The following KHDRBS3 variants were observed in gnomAD, a reference collection of about 807,000 sequenced individuals.
KHDRBS3 encodes KH RNA binding domain containing, signal transduction associated 3, also known as KH domain-containing, RNA-binding, signal transduction-associated protein 3.
A neutral mutation model predicts 45.6 loss-of-function variants in KHDRBS3; 23 were observed. The observed-to-expected ratio is 0.50, with a 90% CI of 0.36 to 0.72. The LOEUF is 0.72. Ranked by LOEUF, KHDRBS3 falls within the 30% of genes least tolerant of loss-of-function variation. The pLI is 0.00. For missense variants in KHDRBS3, 352 were observed against 424.8 expected, an observed-to-expected ratio of 0.83 and a Z score of 1.51; for synonymous variants, 162 against 156.5, an observed-to-expected ratio of 1.04 and a Z score of -0.26.
At chr8:135,604,550 GT>G (rs1464744157) in intron 6 of KHDRBS3, among the ~76,000 whole-genome samples, 2 of 148,570 alleles carry the variant, frequency 1.3e-5, no homozygotes, top group African/African-American at 4.9e-5. Flanking sequence ...TTTATTTGTT[GT>G]TTCTTTTTCT....
At chr8:135,564,336 G>A (rs930659365) in intron 5 of KHDRBS3, among the ~76,000 whole-genome samples, 4 of 152,140 alleles carry the variant, frequency 2.6e-5, no homozygotes, top group East Asian at 1.9e-4. Flanking sequence ...GAGAAGTTAC[G>A]TAGCACCCAA....
intron 7 of KHDRBS3, among the ~76,000 whole-genome samples, chr8:135,627,480 A>G (rs1043894642): frequency 6.6e-6 from 1 of 152,244 alleles, no homozygotes; most frequent in Non-Finnish European, 1.5e-5. Context: ...CCCAATCCCC[A>G]GCCTTATAAG....
intron 2 of KHDRBS3, chr8:135,542,300 T>C: frequency 5.5e-6 from 1 of 183,236 alleles, no homozygotes; most frequent in South Asian, 1.2e-4. Context: ...CTGGTGTCAT[T>C]TTTTCTCACC....
chr8:135,619,416 G>GA (rs199626464), intron 7 of KHDRBS3, among the ~76,000 whole-genome samples: 198 of 146,284 alleles, frequency 1.4e-3, no homozygotes, highest in Middle Eastern at 3.5e-3. Flanking sequence ...TTACATAGAG[G>GA]AAAAAAAAAA....
intron 7 of KHDRBS3, among the ~76,000 whole-genome samples, chr8:135,619,201 C>T (rs1830038551): frequency 6.6e-6 from 1 of 152,070 alleles, no homozygotes; most frequent in African/African-American, 2.4e-5. Context: ...CATGTATTTC[C>T]TTTATCTATC....
At chr8:135,462,494 C>T (rs1005695188) in intron 1 of KHDRBS3, among the ~76,000 whole-genome samples, 5 of 152,028 alleles carry the variant, frequency 3.3e-5, no homozygotes, top group African/African-American at 1.2e-4. Context: ...AATGAATTTT[C>T]GGTTTGTAGA....
intron 6 of KHDRBS3, among the ~76,000 whole-genome samples, chr8:135,598,098 TAA>T (rs1322442234): frequency 6.6e-6 from 1 of 152,238 alleles, no homozygotes; most frequent in African/African-American, 2.4e-5. Context: ...AGTCATTACC[TAA>T]AAACCAAAGT....
chr8:135,484,427 C>T (rs1053563731), intron 1 of KHDRBS3, among the ~76,000 whole-genome samples: 6 of 152,190 alleles, frequency 3.9e-5, no homozygotes, highest in African/African-American at 1.2e-4. Flanking sequence ...TCCTCTCCGC[C>T]GGCTGTGCCT....
intron 1 of KHDRBS3, among the ~76,000 whole-genome samples, chr8:135,502,242 G>A (rs1035461719): frequency 3.3e-5 from 5 of 152,220 alleles, no homozygotes; most frequent in Admixed American, 6.5e-5. Flanking sequence ...TTAGCATAGC[G>A]TTAAAAGTCC....
At chr8:135,572,684 C>T (rs1451324807) in intron 5 of KHDRBS3, among the ~76,000 whole-genome samples, 1 of 152,198 alleles carries the variant, frequency 6.6e-6, no homozygotes, top group Non-Finnish European at 1.5e-5. Context: ...GATGTGGATG[C>T]GCATGAACGC....
At chr8:135,590,487 C>T (rs1257867445) in intron 6 of KHDRBS3, among the ~76,000 whole-genome samples, 1 of 152,132 alleles carries the variant, frequency 6.6e-6, no homozygotes, top group South Asian at 2.1e-4. Flanking sequence ...ACGTTCTTAA[C>T]CTCTTTCCAA....
intron 7 of KHDRBS3, among the ~76,000 whole-genome samples, chr8:135,617,528 T>C (rs1409687743): frequency 6.6e-6 from 1 of 152,158 alleles, no homozygotes; most frequent in Non-Finnish European, 1.5e-5. Flanking sequence ...TCTGCCTGCC[T>C]CAGCCTCCCA....
chr8:135,652,637 G>C (rs1831453457), intron 4 of KHDRBS3, among the ~76,000 whole-genome samples: 2 of 152,194 alleles, frequency 1.3e-5, no homozygotes, highest in African/African-American at 4.8e-5. Context: ...CCCAGCTCTT[G>C]GTCTAGCTAG....
At position 135,625,106 on chromosome 8, in the gene KHDRBS3, A is replaced by T. The variant is rs899588935; in HGVS notation, c.890+18069A>T. 8.7e-5 allele frequency: 73 copies of T among 838,560 alleles called. 1 individual carries two copies. The African/African-American group carries it at 9.7e-4, about 11-fold the overall frequency. The allele number at this position is 838,560 out of a possible 1,614,324, so 51.9% of individuals were successfully genotyped here. Reference sequence around the variant, plus strand: ...AAAGAAACCAGTGAGTCCTCTAAGGATAATAAAAGGGAGTATTTTACAGTT... The same window carrying T: ...AAAGAAACCAGTGAGTCCTCTAAGGTTAATAAAAGGGAGTATTTTACAGTT... On this transcript the variant is annotated intron_variant, in intron 7 of 8. Coordinates refer to ENST00000355849, the MANE Select transcript of KHDRBS3 (RefSeq NM_006558.3).
At chr8:135,495,696 A>G (rs1030350747) in intron 1 of KHDRBS3, among the ~76,000 whole-genome samples, 1 of 152,152 alleles carries the variant, frequency 6.6e-6, no homozygotes, top group Non-Finnish European at 1.5e-5. Flanking sequence ...CTGAATTCCT[A>G]AAGGTTAGGG....
intron 1 of KHDRBS3, among the ~76,000 whole-genome samples, chr8:135,496,241 A>C (rs957081395): frequency 4.0e-5 from 6 of 149,626 alleles, no homozygotes; most frequent in African/African-American, 1.5e-4. Flanking sequence ...CTTCAGAAGC[A>C]TTTTTTTTTG....
chr8:135,457,846 C>G lies in KHDRBS3; in HGVS notation c.-21C>G, dbSNP rs748756331. 7.1e-6 allele frequency: 11 copies of G among 1,545,194 alleles called. No individual in the cohort carries two copies. In the African/African-American group the frequency reaches 1.4e-4, roughly 20 times the overall value. ...CCCCGTGCGCCTGGAGTCCACATCC[C>G]GGGCCCGGCGGCCGGCGAGCATGGA... On this transcript the variant is annotated 5_prime_UTR_variant, in exon 1 of 9. Transcript: ENST00000355849. This position sits in a 1 kb window ranked among gnomAD's most constrained non-coding sequence, Gnocchi z 4.4.
chr8:135,536,810 A>C (rs1336575578), intron 2 of KHDRBS3, among the ~76,000 whole-genome samples: 9 of 147,878 alleles, frequency 6.1e-5, no homozygotes, highest in Non-Finnish European at 9.0e-5. Context: ...AATACAAAAA[A>C]TTAGCCGGGC....
intron 4 of KHDRBS3, among the ~76,000 whole-genome samples, chr8:135,553,580 A>G (rs983975133): frequency 6.6e-6 from 1 of 152,208 alleles, no homozygotes; most frequent in Admixed American, 6.5e-5. Context: ...ATAGATCACA[A>G]TACAAACAGT....
Sources: allele counts gnomAD v4.1 joint callset (sites outside exome capture counted in the v4.1 genomes callset), GRCh38; gene constraint gnomAD v4.1.1; non-coding constraint Gnocchi (gnomAD v3.1); transcripts MANE v1.5; gene names NCBI Gene and HGNC (gene_info 2026-07-23, HGNC 2026-07-21).